CAST: variants seen among roughly 807,000 people sequenced by gnomAD.
The protein encoded by CAST is MIR583 host.
A neutral mutation model predicts 119.6 loss-of-function variants in CAST; 76 were observed. The observed-to-expected ratio is 0.64, with a 90% CI of 0.53 to 0.77. The LOEUF is 0.77. Among genes scored for constraint, CAST ranks in the 30% least tolerant of loss-of-function variants. CAST has a pLI of 0.00. For missense variants in CAST, 953 were observed against 946.5 expected (o/e 1.01, Z -0.09); for synonymous variants, 319 against 331.6 (o/e 0.96, Z 0.41).
chr5:96,284,873 A>T, the CAST span, among the ~76,000 whole-genome samples: 1 of 152,186 alleles, frequency 6.6e-6, no homozygotes, highest in Non-Finnish European at 1.5e-5. Flanking sequence ...TCTTCATGGA[A>T]AGTGAAAATG....
chr5:95,968,612 A>T, the CAST span, among the ~76,000 whole-genome samples: 1 of 152,342 alleles, frequency 6.6e-6, no homozygotes, highest in South Asian at 2.1e-4. Context: ...ATGTCATGAC[A>T]AAAAGCAGAG....
At chr5:96,044,391 A>C in the CAST span, among the ~76,000 whole-genome samples, 30 of 152,236 alleles carry the variant, frequency 2.0e-4, no homozygotes. Flanking sequence ...ATATAAAGAC[A>C]CAGCTAGAAG....
the CAST span, among the ~76,000 whole-genome samples, chr5:96,413,838 G>T: frequency 6.9e-6 from 1 of 145,850 alleles, no homozygotes; most frequent in East Asian, 2.0e-4. Context: ...AAAAAAAATC[G>T]GCCAGGTGCG....
the CAST span, among the ~76,000 whole-genome samples, chr5:96,047,700 G>T: frequency 1.3e-5 from 2 of 152,128 alleles, no homozygotes; most frequent in African/African-American, 4.8e-5. Context: ...GGGATATATT[G>T]ATGAGGGAAA....
At chr5:96,469,745 T>G in the CAST span, among the ~76,000 whole-genome samples, 5 of 151,196 alleles carry the variant, frequency 3.3e-5, no homozygotes, top group African/African-American at 9.7e-5. Context: ...ATGTGGTCTT[T>G]TGAAAAGTAT....
At chr5:96,768,517 G>A in intron 29 of CAST, 1 of 390,140 alleles carries the variant, frequency 2.6e-6, no homozygotes, top group Non-Finnish European at 4.9e-6. Flanking sequence ...TTTTCTATAT[G>A]TATATTTTAC....
At chr5:96,534,542 G>A in intron 1 of CAST, among the ~76,000 whole-genome samples, 1 of 151,400 alleles carries the variant, frequency 6.6e-6, no homozygotes, top group Non-Finnish European at 1.5e-5. Flanking sequence ...AGTGGTGCGT[G>A]CCTGTAATCC....
chr5:96,048,808 A>G, the CAST span, among the ~76,000 whole-genome samples: 1 of 152,138 alleles, frequency 6.6e-6, no homozygotes, highest in Non-Finnish European at 1.5e-5. Context: ...CTTTAGACAA[A>G]GCTCCTTCTG....
chr5:96,251,746 A>G, the CAST span, among the ~76,000 whole-genome samples: 1 of 152,108 alleles, frequency 6.6e-6, no homozygotes, highest in Non-Finnish European at 1.5e-5. Context: ...CTTGTTGACT[A>G]AGTCTTATGA....
At chr5:96,525,598 A>T (rs1745585400), upstream of CAST, among the ~76,000 whole-genome samples, 1 of 152,130 alleles carries the variant, frequency 6.6e-6, no homozygotes, top group Admixed American at 6.5e-5. Context: ...CTCTACTTAA[A>T]TATTATCTAT....
the CAST span, among the ~76,000 whole-genome samples, chr5:96,359,859 T>G: frequency 3.3e-5 from 5 of 152,156 alleles, no homozygotes; most frequent in African/African-American, 1.2e-4. Flanking sequence ...CTCTGTATTT[T>G]CTGAGTTTGA....
the CAST span, among the ~76,000 whole-genome samples, chr5:96,326,010 C>A: frequency 6.6e-6 from 1 of 152,184 alleles, no homozygotes; most frequent in South Asian, 2.1e-4. Context: ...CTATTCCCAA[C>A]GGAATACCTT....
the CAST span, among the ~76,000 whole-genome samples, chr5:95,974,584 A>G: frequency 1.3e-5 from 2 of 152,248 alleles, no homozygotes; most frequent in Admixed American, 1.3e-4. Context: ...TTTCCAGCCT[A>G]AGATATGACT....
the CAST span, among the ~76,000 whole-genome samples, chr5:96,121,667 A>G: frequency 6.6e-6 from 1 of 152,184 alleles, no homozygotes; most frequent in African/African-American, 2.4e-5. Flanking sequence ...GTGTAAGTGC[A>G]ATGGGATCAT....
chr5:96,352,719 C>T, the CAST span, among the ~76,000 whole-genome samples: 1 of 152,140 alleles, frequency 6.6e-6, no homozygotes, highest in East Asian at 1.9e-4. Flanking sequence ...ACCAAGATCT[C>T]ATCTCAAACT....
At chr5:96,461,570 A>G in the CAST span, among the ~76,000 whole-genome samples, 1 of 152,096 alleles carries the variant, frequency 6.6e-6, no homozygotes, top group African/African-American at 2.4e-5. Context: ...TTTTTAGATT[A>G]GATAGAATGA....
chr5:96,209,077 G>A, the CAST span, among the ~76,000 whole-genome samples: 6 of 151,694 alleles, frequency 4.0e-5, no homozygotes, highest in African/African-American at 1.2e-4. Flanking sequence ...ATTATGTAAT[G>A]CCTTTGTCTC....
the CAST span, among the ~76,000 whole-genome samples, chr5:96,100,211 G>A: frequency 6.6e-6 from 1 of 152,206 alleles, no homozygotes; most frequent in Non-Finnish European, 1.5e-5. Context: ...AGGCCTGGAA[G>A]TATGTCAGTG....
chr5:96,012,575 C>T, the CAST span, among the ~76,000 whole-genome samples: 2 of 152,170 alleles, frequency 1.3e-5, no homozygotes, highest in African/African-American at 4.8e-5. Flanking sequence ...AGTGATGACA[C>T]AACTCTTCAG....
Sources: gnomAD v4.1 joint callset for allele counts (sites outside exome capture counted in the v4.1 genomes callset) on GRCh38, gnomAD v4.1.1 for gene constraint, MANE v1.5 for transcripts, NCBI Gene and HGNC (gene_info 2026-07-23, HGNC 2026-07-21) for gene names.